Variants in SEMA3A observed in about 807,000 individuals in gnomAD.
The protein encoded by SEMA3A is semaphorin-3A.
A neutral mutation model predicts 97.9 loss-of-function variants in SEMA3A; 29 were observed. The observed-to-expected ratio is 0.30, with a 90% CI of 0.22 to 0.40. The LOEUF (loss-of-function observed/expected upper bound fraction) is 0.40. Ranked by LOEUF, SEMA3A falls within the 10% of genes least tolerant of loss-of-function variation. The probability of loss-of-function intolerance (pLI) is 1.00; values close to 1 mark genes in which losing one functional copy is unlikely to be tolerated. For missense variants in SEMA3A, 763 were observed against 951.3 expected, an observed-to-expected ratio of 0.80 and a Z score of 2.60; for synonymous variants, 321 against 323.7, an observed-to-expected ratio of 0.99 and a Z score of 0.09.
At chr7:84,377,910 C>T (rs1029368275) in intron 1 of SEMA3A, among the ~76,000 whole-genome samples, 3 of 152,130 alleles carry the variant, frequency 2.0e-5, no homozygotes, top group Non-Finnish European at 4.4e-5. Flanking sequence ...CATTCAGTTA[C>T]TGCTGATCAA....
At chr7:84,265,663 T>C (rs992656101) in intron 3 of SEMA3A, among the ~76,000 whole-genome samples, 1 of 151,694 alleles carries the variant, frequency 6.6e-6, no homozygotes, top group East Asian at 1.9e-4. Flanking sequence ...TTGTCTACCA[T>C]GCCTGCCTGA....
intron 2 of SEMA3A, among the ~76,000 whole-genome samples, chr7:84,359,488 C>A (rs1217759696): frequency 6.6e-6 from 1 of 151,994 alleles, no homozygotes; most frequent in Non-Finnish European, 1.5e-5. Context: ...AGGGATGAAG[C>A]CCACTTGATC....
intron 16 of SEMA3A, among the ~76,000 whole-genome samples, chr7:83,962,879 G>GT (rs570738858): frequency 6.7e-4 from 102 of 151,434 alleles, no homozygotes; most frequent in African/African-American, 1.8e-3. Flanking sequence ...TTAGTAGGAG[G>GT]TTTTTTTTTA....
chr7:84,259,476 T>A (rs1799794519), intron 3 of SEMA3A, among the ~76,000 whole-genome samples: 2 of 151,994 alleles, frequency 1.3e-5, no homozygotes, highest in Admixed American at 1.3e-4. Context: ...CCATGAGGTG[T>A]AGGGAATTGG....
chr7:84,355,819 C>T (rs987778840), intron 2 of SEMA3A, among the ~76,000 whole-genome samples: 2 of 151,532 alleles, frequency 1.3e-5, no homozygotes, highest in South Asian at 2.1e-4. Flanking sequence ...AATAAAAGAC[C>T]GAGAAGAAAA....
intron 3 of SEMA3A, among the ~76,000 whole-genome samples, chr7:84,237,932 T>C (rs1562866039): frequency 6.6e-6 from 1 of 152,000 alleles, no homozygotes; most frequent in South Asian, 2.1e-4. Context: ...AACTTAACCA[T>C]AAAAAGAAGA....
intron 3 of SEMA3A, among the ~76,000 whole-genome samples, chr7:84,228,435 C>T (rs1391567369): frequency 6.6e-6 from 1 of 151,898 alleles, no homozygotes; most frequent in Non-Finnish European, 1.5e-5. Flanking sequence ...TATATATATG[C>T]TGAGTATTTT....
Position 84,326,293 on chromosome 7 carries a change from A to T in SEMA3A, c.-168-19001T>A, listed in dbSNP as rs139658030. 9.2e-5 allele frequency among the ~76,000 whole-genome samples: 14 copies of T among 152,262 alleles called. 1 individual carries two copies. The East Asian group carries it at 2.7e-3, about 29-fold the overall frequency. On this transcript the variant is annotated intron_variant, in intron 2 of 3. Transcript: ENST00000424555. ...GATAATCACTAAATAAGTATTTCTG[A>T]TCAAATTCTAAATTGATTAATTCTA...
chr7:84,226,985 TAGAG>T (rs1460185322), intron 3 of SEMA3A, among the ~76,000 whole-genome samples: 1 of 152,066 alleles, frequency 6.6e-6, no homozygotes, highest in Admixed American at 6.6e-5. Flanking sequence ...CTTTGTAGGA[TAGAG>T]AGACAATAGA....
intron 14 of SEMA3A, among the ~76,000 whole-genome samples, chr7:83,977,796 T>C (rs538995378): frequency 1.8e-4 from 27 of 151,054 alleles, no homozygotes; most frequent in South Asian, 8.4e-4. Flanking sequence ...TCCTTTTTTT[T>C]TTTCTTTCTT....
Position 84,369,023 on chromosome 7 carries a change from C to T in SEMA3A, c.-169+2801G>A, listed in dbSNP as rs372402388. On this transcript the variant is annotated intron_variant, in intron 2 of 3. Coordinates refer to the SEMA3A transcript ENST00000424555. ...TCACTAGATCACAATGTTAATTCAT[C>T]TCATTGGGAATTAGTATATTGATGT... Among the ~76,000 whole-genome samples the T allele has an allele frequency of 6.6e-5, 10 of 150,988 alleles. 2 individuals are homozygous for T. The highest frequency in any genetic ancestry group is 6.6e-5 in the Admixed American group (1 of 15,064).
rs11971993 is a variant in SEMA3A, at chr7:84,150,383, A to G, written c.113-15432T>C. ...AGTGGGCGCAGGTCAGTGGGTGCGC[A>G]CACTGTGCGCGAGCCGAAGCAGGGC... is the stretch of plus-strand genomic sequence containing the variant. On this transcript the variant is annotated intron_variant, in intron 1 of 16. Coordinates refer to ENST00000265362, the MANE Select transcript of SEMA3A (RefSeq NM_006080.3). 9.3e-3 allele frequency among the ~76,000 whole-genome samples: 1,420 copies of G among 151,884 alleles called. 23 individuals are homozygous for G. Among genetic ancestry groups the G allele is most frequent in the African/African-American group, 0.03 (1,255 of 41,540 alleles).
intron 2 of SEMA3A, among the ~76,000 whole-genome samples, chr7:84,365,467 C>A (rs1055511613): frequency 1.4e-5 from 2 of 145,356 alleles, no homozygotes; most frequent in African/African-American, 5.2e-5. Context: ...GTATTGAATG[C>A]AGGATTCAAA....
intron 5 of SEMA3A, among the ~76,000 whole-genome samples, chr7:84,058,662 C>T (rs1793093002): frequency 6.6e-6 from 1 of 152,052 alleles, no homozygotes; most frequent in Non-Finnish European, 1.5e-5. Context: ...TGTCAATAAG[C>T]GCTACATACC....
chr7:84,251,908 A>C (rs1449767224), intron 3 of SEMA3A, among the ~76,000 whole-genome samples: 3 of 151,840 alleles, frequency 2.0e-5, no homozygotes, highest in Non-Finnish European at 4.4e-5. Flanking sequence ...TTCACAAAAT[A>C]AAAAGAAAAC....
intron 3 of SEMA3A, among the ~76,000 whole-genome samples, chr7:84,224,907 T>A (rs1308692781): frequency 6.6e-6 from 1 of 152,026 alleles, no homozygotes; most frequent in East Asian, 1.9e-4. Flanking sequence ...TACTGCATAT[T>A]ATTAGGTCCA....
At chr7:84,037,502 A>G (rs1791983504) in intron 6 of SEMA3A, among the ~76,000 whole-genome samples, 1 of 152,096 alleles carries the variant, frequency 6.6e-6, no homozygotes, top group South Asian at 2.1e-4. Flanking sequence ...TAATTTTTAA[A>G]TTATTTGTAG....
intron 4 of SEMA3A, among the ~76,000 whole-genome samples, chr7:84,075,538 A>G (rs1366709356): frequency 6.8e-6 from 1 of 148,022 alleles, no homozygotes; most frequent in African/African-American, 2.5e-5. Context: ...GGCTCACTGC[A>G]AACTTTGCCT....
intron 2 of SEMA3A, among the ~76,000 whole-genome samples, chr7:84,364,066 T>C (rs912269360): frequency 6.6e-6 from 1 of 150,974 alleles, no homozygotes; most frequent in Non-Finnish European, 1.5e-5. Context: ...TTTGAAAATA[T>C]ATCTTCATTA....
Sources: gnomAD v4.1 joint callset for allele counts (sites outside exome capture counted in the v4.1 genomes callset) on GRCh38, gnomAD v4.1.1 for gene constraint, MANE v1.5 for transcripts, NCBI Gene and HGNC (gene_info 2026-07-23, HGNC 2026-07-21) for gene names.